Variants in RP1 observed in about 807,000 individuals in gnomAD.
RP1 encodes oxygen-regulated protein 1.
RP1 carries 16 observed loss-of-function variants against 14.8 expected under a neutral mutation model. The observed-to-expected ratio is 1.08, with a 90% confidence interval of 0.73 to 1.65. RP1 has a LOEUF of 1.65. Ranked by LOEUF, RP1 falls within the 40% of genes most tolerant of loss-of-function variation. RP1 has a pLI of 0.00. For synonymous variants in RP1, 876 were observed against 883.6 expected (o/e 0.99, Z 0.15); for missense variants, 2,631 against 2,535.0 (o/e 1.04, Z -0.81).
At chr8:54,757,629 G>C (rs1255072740) in intron 21 of RP1, among the ~76,000 whole-genome samples, 1 of 152,214 alleles carries the variant, frequency 6.6e-6, no homozygotes, top group Non-Finnish European at 1.5e-5. Context: ...GTCCCACCAG[G>C]GGAAGCCCTC....
At chr8:54,733,413 C>G (rs1397218619) in intron 17 of RP1, among the ~76,000 whole-genome samples, 2 of 152,232 alleles carry the variant, frequency 1.3e-5, no homozygotes, top group Non-Finnish European at 2.9e-5. Context: ...ACAGAGATTA[C>G]TCAGCACATT....
Position 54,598,074 on chromosome 8 carries a change from T to C in RP1, c.-12-22881T>C, listed in dbSNP as rs187203202. 1.3e-3 allele frequency among the ~76,000 whole-genome samples: 191 copies of C among 152,268 alleles called. 1 individual carries two copies. Among genetic ancestry groups the C allele is most frequent in the Non-Finnish European group, 2.3e-3 (155 of 68,006 alleles). On this transcript the variant is annotated intron_variant, in intron 1 of 22. Transcript: ENST00000636932. Reference sequence around the variant, plus strand: ...AATCTATTCTCAATCTCTGTAATTATGACATTTTGAGAATATTATATAAAT... The same window carrying C: ...AATCTATTCTCAATCTCTGTAATTACGACATTTTGAGAATATTATATAAAT...
intron 17 of RP1, among the ~76,000 whole-genome samples, chr8:54,728,625 G>A (rs112523687): frequency 1.3e-5 from 2 of 152,218 alleles, no homozygotes; most frequent in African/African-American, 2.4e-5. Context: ...CATCAAAAGG[G>A]CAAGAGGATT....
intron 24 of RP1, among the ~76,000 whole-genome samples, chr8:54,813,405 T>G (rs1811061129): frequency 6.6e-6 from 1 of 152,138 alleles, no homozygotes; most frequent in East Asian, 1.9e-4. Flanking sequence ...GTGGTTAACC[T>G]TTGCCCTGAA....
chr8:54,718,507 G>A (rs1808460054), intron 15 of RP1, among the ~76,000 whole-genome samples: 2 of 152,202 alleles, frequency 1.3e-5, no homozygotes, highest in Admixed American at 1.3e-4. Context: ...ACAATTGGAT[G>A]TCCATATGCC....
chr8:54,646,079 A>G (rs1239055325), intron 3 of RP1, among the ~76,000 whole-genome samples: 2 of 152,142 alleles, frequency 1.3e-5, no homozygotes, highest in Non-Finnish European at 1.5e-5. Flanking sequence ...ACAAAGACTT[A>G]GAATTTTGTC....
At chr8:54,801,818 T>A (rs989508495) in intron 24 of RP1, among the ~76,000 whole-genome samples, 1 of 152,206 alleles carries the variant, frequency 6.6e-6, no homozygotes, top group Non-Finnish European at 1.5e-5. Context: ...AGGTCCTGTT[T>A]CTCTCTGAAG....
chr8:54,677,325 A>G (rs1448153939), intron 8 of RP1, among the ~76,000 whole-genome samples: 1 of 152,068 alleles, frequency 6.6e-6, no homozygotes, highest in Non-Finnish European at 1.5e-5. Flanking sequence ...AAGTTTGGGA[A>G]CCACTGATCT....
intron 19 of RP1, among the ~76,000 whole-genome samples, chr8:54,749,012 G>T (rs1400510298): frequency 6.6e-6 from 1 of 152,012 alleles, no homozygotes; most frequent in African/African-American, 2.4e-5. Context: ...CTCTCAGAAA[G>T]TATTTGTTGA....
chr8:54,593,939 T>C (rs4737619), intron 1 of RP1, among the ~76,000 whole-genome samples: 57,109 of 152,080 alleles, frequency 0.38, 11,173 homozygotes, highest in Middle Eastern at 0.43. Context: ...CAGAGGAAGG[T>C]GAAAGTCAGT....
intron 1 of RP1, among the ~76,000 whole-genome samples, chr8:54,610,292 T>C (rs759110457): frequency 3.3e-5 from 5 of 152,126 alleles, no homozygotes; most frequent in Non-Finnish European, 5.9e-5. Flanking sequence ...ATAAACTCCT[T>C]TGCTGGAGTT....
chr8:54,755,050 GT>G, intron 20 of RP1: 1 of 1,157,510 alleles, frequency 8.6e-7, no homozygotes, highest in African/African-American at 1.6e-5. Context: ...TAAGAGAGTT[GT>G]TTTACTCTTG....
intron 24 of RP1, among the ~76,000 whole-genome samples, chr8:54,830,688 T>C (rs1052262681): frequency 1.3e-5 from 2 of 152,140 alleles, no homozygotes; most frequent in African/African-American, 4.8e-5. Flanking sequence ...TTTACTTTTA[T>C]AAAAAATTGA....
intron 12 of RP1, among the ~76,000 whole-genome samples, chr8:54,689,433 C>G (rs1390348928): frequency 6.6e-6 from 1 of 152,050 alleles, no homozygotes; most frequent in Non-Finnish European, 1.5e-5. Context: ...AAGGGATTAG[C>G]ATTCCTCAGA....
At chr8:54,848,063 C>G (rs914371658) in intron 25 of RP1, among the ~76,000 whole-genome samples, 1 of 152,178 alleles carries the variant, frequency 6.6e-6, no homozygotes, top group Non-Finnish European at 1.5e-5. Flanking sequence ...TACATGTGAT[C>G]GCTCTCTCTC....
chr8:54,708,767 A>T (rs1808223662), intron 15 of RP1, among the ~76,000 whole-genome samples: 1 of 150,946 alleles, frequency 6.6e-6, no homozygotes, highest in Non-Finnish European at 1.5e-5. Context: ...CCCAGTGAGT[A>T]AACTTCCTCT....
At chr8:54,645,531 G>A (rs1436543743) in intron 3 of RP1, among the ~76,000 whole-genome samples, 1 of 152,052 alleles carries the variant, frequency 6.6e-6, no homozygotes, top group African/African-American at 2.4e-5. Flanking sequence ...TACATTGATT[G>A]GCTGCTTAAT....
Position 54,625,947 on chromosome 8 carries a change from C to A in RP1, c.2065C>A (p.Gln689Lys). Residue 689 changes from glutamine (Q) to lysine (K), a missense_variant, in exon 4 of 4, where the codon CAG (glutamine) becomes AAG (lysine). Transcript: ENST00000220676. ...AATAAATTCCAGGTATCAAGATGGACAGCTTGCAACCAAAGGAATTCTTAA... is the reference window on the plus strand; with the variant it reads ...AATAAATTCCAGGTATCAAGATGGAAAGCTTGCAACCAAAGGAATTCTTAA... The part of the protein sequence containing the change: ...QAINSRYQDG[Q>K]LATKGILNKN... 1 of 1,613,838 alleles carries A rather than the reference C, an allele frequency of 6.2e-7. No homozygotes were observed. Among genetic ancestry groups the A allele is most frequent in the Non-Finnish European group, 8.5e-7 (1 of 1,179,912 alleles).
At chr8:54,755,638 C>A (rs1417608212) in exon 21 of RP1, 1 of 1,535,852 alleles carries the variant, frequency 6.5e-7, no homozygotes, top group Non-Finnish European at 8.7e-7. Context: ...ACCAGGTTGA[C>A]GTCTACACTG....
Sources: gnomAD v4.1 joint callset for allele counts (sites outside exome capture counted in the v4.1 genomes callset) on GRCh38, gnomAD v4.1.1 for gene constraint, MANE v1.5 for transcripts, NCBI Gene and HGNC (gene_info 2026-07-23, HGNC 2026-07-21) for gene names.